FBXW11: variants seen among roughly 807,000 people sequenced by gnomAD.
The protein encoded by FBXW11 is F-box/WD repeat-containing protein 11.
Under a neutral mutation model 77.6 loss-of-function variants are expected in FBXW11, and 19 were observed. The observed-to-expected ratio is 0.24, with a 90% CI of 0.17 to 0.36. The LOEUF is 0.36. Among genes scored for constraint, FBXW11 ranks in the 10% least tolerant of loss-of-function variants. The pLI is 1.00. For synonymous variants in FBXW11, 235 were observed against 249.4 expected (o/e 0.94, Z 0.54); for missense variants, 334 against 704.2 (o/e 0.47, Z 5.95).
At chr5:171,884,715 G>A (rs1470940342) in intron 7 of FBXW11, among the ~76,000 whole-genome samples, 2 of 152,182 alleles carry the variant, frequency 1.3e-5, no homozygotes, top group African/African-American at 4.8e-5. Context: ...CATGAGCATG[G>A]GATGTGTTTC....
At chr5:171,875,243 G>C (rs976117986) in intron 9 of FBXW11, among the ~76,000 whole-genome samples, 1 of 123,416 alleles carries the variant, frequency 8.1e-6, no homozygotes, top group African/African-American at 3.4e-5. Context: ...GACCCCATCT[G>C]TACTTTTAAA....
chr5:171,870,647 C>T, intron 11 of FBXW11, 101 bp downstream of exon 11: 5 of 825,196 alleles, frequency 6.1e-6, no homozygotes, highest in Non-Finnish European at 9.8e-6. Context: ...ACACAGAAAC[C>T]TACCATAGGA....
At chr5:171,945,868 A>AACAG (rs1277669145) in intron 2 of FBXW11, among the ~76,000 whole-genome samples, 1 of 152,116 alleles carries the variant, frequency 6.6e-6, no homozygotes, top group Non-Finnish European at 1.5e-5. Context: ...TCCATTTTGA[A>AACAG]TCCCTAACTC....
At chr5:171,992,914 T>C (rs1765830826) in intron 1 of FBXW11, among the ~76,000 whole-genome samples, 1 of 151,978 alleles carries the variant, frequency 6.6e-6, no homozygotes, top group South Asian at 2.1e-4. Context: ...AATTCAACTG[T>C]TTTCTCAGAG....
chr5:171,966,330 G>A (rs1024119220), intron 1 of FBXW11, among the ~76,000 whole-genome samples: 8 of 151,860 alleles, frequency 5.3e-5, no homozygotes, highest in Non-Finnish European at 1.0e-4. Context: ...TTATTCCTGA[G>A]GAAATCCAAA....
At position 171,879,824 on chromosome 5, in the gene FBXW11, G is replaced by A. The variant is rs142927323; in HGVS notation, c.853-1695C>T. ...TAAGCTAATTGTTTTTTTTCTTACT[G>A]TTGAGATTCAAGAGTTCTTTGTATG... On this transcript the variant is annotated intron_variant, in intron 7 of 13. Coordinates refer to ENST00000517395, the MANE Select transcript of FBXW11 (RefSeq NM_001378974.1). Among the ~76,000 whole-genome samples the A allele has an allele frequency of 5.4e-4, 82 of 152,130 alleles. 2 individuals carry two copies. The South Asian group carries it at 0.011, about 21-fold the overall frequency.
chr5:171,952,432 TA>T (rs1254030474), intron 2 of FBXW11, among the ~76,000 whole-genome samples: 3 of 14,442 alleles, frequency 2.1e-4, no homozygotes, highest in Non-Finnish European at 4.3e-4. Context: ...CATATATATA[TA>T]TATATATATA....
Position 171,910,558 on chromosome 5 carries a change from AC to A in FBXW11, c.436+13del, listed in dbSNP as rs1286260764. The A allele has an allele frequency of 4.4e-6, 7 of 1,601,858 alleles. No homozygotes were observed. The highest frequency in any genetic ancestry group is 6.0e-6 in the Non-Finnish European group (7 of 1,172,360). On this transcript the variant is annotated intron_variant, in intron 4 of 13. Coordinates refer to ENST00000517395, the MANE Select transcript of FBXW11 (RefSeq NM_001378974.1). ...CTTCAACTGCTCAGCTTTTGAAAAG[AC>A]AAGTACAGTTACCTGGTAAAGCGGT...
intron 1 of FBXW11, among the ~76,000 whole-genome samples, chr5:171,999,900 G>A (rs910355453): frequency 2.9e-4 from 44 of 151,608 alleles, no homozygotes; most frequent in African/African-American, 1.1e-3. Flanking sequence ...GCTCTTCATT[G>A]TTAACTCAAC....
chr5:171,942,963 C>T (rs1040024168), intron 2 of FBXW11, among the ~76,000 whole-genome samples: 3 of 152,122 alleles, frequency 2.0e-5, no homozygotes, highest in African/African-American at 7.2e-5. Context: ...AATTAGGTGA[C>T]AGTTTCTTCC....
At chr5:171,969,245 G>A (rs1175862927) in intron 1 of FBXW11, among the ~76,000 whole-genome samples, 2 of 152,138 alleles carry the variant, frequency 1.3e-5, no homozygotes, top group Non-Finnish European at 2.9e-5. Context: ...TCTAGCCTGG[G>A]CAACATAGCG....
At position 171,876,246 on chromosome 5, in the gene FBXW11, G is replaced by T. The variant is rs751746261; in HGVS notation, c.1221+39C>A. On this transcript the variant is annotated intron_variant, in intron 9 of 13. Transcript: ENST00000517395. This position sits in a 1 kb window ranked among gnomAD's most constrained non-coding sequence, Gnocchi z 4.2. ...TCTGCTTTGTCTCTGTTCTAAAAGG[G>T]ACAGGAACAGGTAGGGTTATGACTG... The T allele has an allele frequency of 1.2e-6, 2 of 1,610,056 alleles. No homozygotes were observed. Among genetic ancestry groups the T allele is most frequent in the South Asian group, 1.1e-5 (1 of 90,504 alleles).
intron 1 of FBXW11, among the ~76,000 whole-genome samples, chr5:171,984,957 C>T (rs1765356873): frequency 1.3e-5 from 2 of 152,150 alleles, no homozygotes; most frequent in South Asian, 2.1e-4. Flanking sequence ...TAAAAACAAG[C>T]AGTTAACTTT....
chr5:171,949,036 TCCTCA>T (rs1763166842), intron 2 of FBXW11, among the ~76,000 whole-genome samples: 1 of 152,228 alleles, frequency 6.6e-6, no homozygotes, highest in African/African-American at 2.4e-5. Flanking sequence ...CACCAAGTCA[TCCTCA>T]CTGTTTTCAG....
chr5:171,957,751 A>C, intron 1 of FBXW11, 53 bp from the exon 2 acceptor site: 9 of 1,464,254 alleles, frequency 6.1e-6, no homozygotes, highest in South Asian at 1.1e-5. Flanking sequence ...GGCCGCAACA[A>C]ATCACTCCTT....
At position 171,873,241 on chromosome 5, in the gene FBXW11, G is replaced by C. The variant is rs370726304; in HGVS notation, c.1222-251C>G. On this transcript the variant is annotated intron_variant, in intron 9 of 13. Coordinates refer to ENST00000517395, the MANE Select transcript of FBXW11 (RefSeq NM_001378974.1). ...CTCCAGTCTTTGAGATCTTTACAAA[G>C]AGAACATCTCCTGAATGGTTCAAAC... Among the ~76,000 whole-genome samples the C allele has an allele frequency of 5.9e-5, 9 of 152,304 alleles. No homozygotes were observed. The East Asian group carries it at 1.7e-3, about 29-fold the overall frequency.
chr5:171,910,723 G>A lies in FBXW11; in HGVS notation c.285C>T (p.Asp95=). ...ACTGGTCAAAATATTTAATACACAA[G>A]TCTTTTTCTTTTTGATAGTTTCCTT... ...PSEGNYQKEK[D]LCIKYFDQWS... The change falls in exon 4 of 14, where the codon GAC becomes GAT. Residue 95 remains aspartate (D), a synonymous_variant. Transcript: ENST00000517395. 6.2e-7 allele frequency: 1 copy of A among 1,613,494 alleles called. No individual in the cohort carries two copies. The highest frequency in any genetic ancestry group is 1.3e-5 in the African/African-American group (1 of 74,932).
At chr5:171,913,133 T>C (rs1272362820) in intron 3 of FBXW11, among the ~76,000 whole-genome samples, 3 of 152,182 alleles carry the variant, frequency 2.0e-5, no homozygotes, top group Non-Finnish European at 2.9e-5. Flanking sequence ...ATTTCTATAT[T>C]TGATTCCAAA....
chr5:171,965,464 T>C (rs1764132820), intron 1 of FBXW11, among the ~76,000 whole-genome samples: 1 of 151,482 alleles, frequency 6.6e-6, no homozygotes, highest in Non-Finnish European at 1.5e-5. Flanking sequence ...AGGCAGAGGT[T>C]ACAGGGAGCT....
Sources: allele counts gnomAD v4.1 joint callset (sites outside exome capture counted in the v4.1 genomes callset), GRCh38; gene constraint gnomAD v4.1.1; non-coding constraint Gnocchi (gnomAD v3.1); transcripts MANE v1.5; gene names NCBI Gene and HGNC (gene_info 2026-07-23, HGNC 2026-07-21).